EDARADD: variants seen among roughly 807,000 people sequenced by gnomAD.
EDARADD encodes ectodysplasin-A receptor-associated adapter protein.
EDARADD carries 20 observed loss-of-function variants against 25.6 expected under a neutral mutation model. The observed-to-expected ratio is 0.78, with a 90% CI of 0.55 to 1.14. EDARADD has a LOEUF of 1.14. Ranked by LOEUF, EDARADD falls within the 50% of genes most tolerant of loss-of-function variation. The pLI is 0.00. For synonymous variants in EDARADD, 86 were observed against 94.4 expected (o/e 0.91, Z 0.52); for missense variants, 225 against 270.1 (o/e 0.83, Z 1.17).
In EDARADD at chr1:236,474,391, G is replaced by A. The variant is rs185450295; in HGVS notation, c.265+6115G>A. Among the ~76,000 whole-genome samples the A allele has an allele frequency of 2.2e-3, 334 of 152,222 alleles. 1 individual carries two copies. Among genetic ancestry groups the A allele is most frequent in the Non-Finnish European group, 3.9e-3 (264 of 68,016 alleles). Reference sequence around the variant, plus strand: ...GGGGCTTTGGCCTTTAAAATAGGAAGTCATCATAAATGACTTGATGTGGTG... The same window carrying A: ...GGGGCTTTGGCCTTTAAAATAGGAAATCATCATAAATGACTTGATGTGGTG... On this transcript the variant is annotated intron_variant, in intron 5 of 5. Transcript: ENST00000334232.
chr1:236,464,075 A>AT (rs1659114266), intron 4 of EDARADD, among the ~76,000 whole-genome samples: 1 of 152,042 alleles, frequency 6.6e-6, no homozygotes. Context: ...GGAGGGTGGC[A>AT]TTTCAGGCCT....
At chr1:236,392,650 G>A (rs1159038365), upstream of EDARADD, among the ~76,000 whole-genome samples, 1 of 150,788 alleles carries the variant, frequency 6.6e-6, no homozygotes, top group Non-Finnish European at 1.5e-5. Context: ...GCTAATTTTT[G>A]TATTTGTATT....
intron 3 of EDARADD, among the ~76,000 whole-genome samples, chr1:236,416,026 G>T (rs918569447): frequency 1.3e-5 from 2 of 151,654 alleles, no homozygotes; most frequent in Non-Finnish European, 2.9e-5. Context: ...TTTGGCCAAA[G>T]CTCTCCTCCT....
At position 236,452,157 on chromosome 1, in the gene EDARADD, G is replaced by A. The variant is rs140795560; in HGVS notation, c.220-16074G>A. 9.2e-3 allele frequency among the ~76,000 whole-genome samples: 1,408 copies of A among 152,240 alleles called. 13 individuals are homozygous for A. Among genetic ancestry groups the A allele is most frequent in the Admixed American group, 0.015 (226 of 15,292 alleles). ...GCTGGGGAGTGAGAGGCTGGTCCCCGCCCCTGCTGATAAGCACCCCCTAGT... is the reference window on the plus strand; with the variant it reads ...GCTGGGGAGTGAGAGGCTGGTCCCCACCCCTGCTGATAAGCACCCCCTAGT... On this transcript the variant is annotated intron_variant, in intron 4 of 5. Transcript: ENST00000334232.
chr1:236,400,217 T>C (rs948280005), intron 1 of EDARADD, among the ~76,000 whole-genome samples: 1 of 152,184 alleles, frequency 6.6e-6, no homozygotes, highest in Non-Finnish European at 1.5e-5. Flanking sequence ...TCCTTCTCTC[T>C]ACCCAAGCAT....
At chr1:236,410,202 A>G (rs1289627899) in intron 2 of EDARADD, among the ~76,000 whole-genome samples, 1 of 152,060 alleles carries the variant, frequency 6.6e-6, no homozygotes, top group African/African-American at 2.4e-5. Context: ...CACATAGTGA[A>G]CGCTGTACCT....
intron 5 of EDARADD, among the ~76,000 whole-genome samples, chr1:236,468,902 G>A (rs1230199762): frequency 6.6e-6 from 1 of 152,140 alleles, no homozygotes; most frequent in Non-Finnish European, 1.5e-5. Flanking sequence ...TAGCATTGGT[G>A]GAGAACATGC....
intron 3 of EDARADD, among the ~76,000 whole-genome samples, chr1:236,374,043 C>A (rs1667198937): frequency 6.6e-6 from 1 of 151,948 alleles, no homozygotes; most frequent in Admixed American, 6.6e-5. Context: ...TGTGTAATTT[C>A]TATTCTTTTA....
chr1:236,468,345 C>G (rs1338320160), intron 5 of EDARADD, 69 bp downstream of exon 5: 2 of 1,538,770 alleles, frequency 1.3e-6, no homozygotes, highest in African/African-American at 2.7e-5. Context: ...AATTTGAGGC[C>G]AGGGTCGGTG....
intron 2 of EDARADD, 75 bp from the exon 3 acceptor site, chr1:236,414,185 A>G: frequency 7.5e-7 from 1 of 1,338,200 alleles, no homozygotes; most frequent in Non-Finnish European, 1.1e-6. Context: ...TAACTTTCCC[A>G]AGACAAAGCT....
intron 3 of EDARADD, among the ~76,000 whole-genome samples, chr1:236,375,554 G>A (rs1265128193): frequency 6.6e-6 from 1 of 151,300 alleles, no homozygotes; most frequent in Non-Finnish European, 1.5e-5. Flanking sequence ...TACTTGGGAG[G>A]CTGAGGCAGG....
intron 4 of EDARADD, among the ~76,000 whole-genome samples, chr1:236,457,910 G>C (rs759916359): frequency 6.6e-6 from 1 of 152,080 alleles, no homozygotes; most frequent in Non-Finnish European, 1.5e-5. Flanking sequence ...AAGAGCGGGA[G>C]AGAAGTTTAT....
At chr1:236,459,558 C>G (rs186403628) in intron 4 of EDARADD, among the ~76,000 whole-genome samples, 7 of 151,680 alleles carry the variant, frequency 4.6e-5, no homozygotes, top group Admixed American at 3.3e-4. Flanking sequence ...TTGCTGTAAT[C>G]CGAGCAAAGC....
chr1:236,470,768 C>G (rs1659339298), intron 5 of EDARADD, among the ~76,000 whole-genome samples: 1 of 152,132 alleles, frequency 6.6e-6, no homozygotes, highest in East Asian at 1.9e-4. Context: ...ACCACCACAC[C>G]CAGCTAATTT....
chr1:236,430,660 C>G (rs1000804266), intron 4 of EDARADD, among the ~76,000 whole-genome samples: 2 of 152,186 alleles, frequency 1.3e-5, no homozygotes, highest in Admixed American at 6.6e-5. Flanking sequence ...TGGCTGCTTC[C>G]GTTGACTATT....
At position 236,395,950 on chromosome 1, in the gene EDARADD, C is replaced by A. The variant is rs1431140827; in HGVS notation, c.61+1445C>A. 6.6e-6 allele frequency among the ~76,000 whole-genome samples: 1 copy of A among 152,222 alleles called. No individual in the cohort carries two copies. Among genetic ancestry groups the A allele is most frequent in the Admixed American group, 6.5e-5 (1 of 15,288 alleles). ...TGCCGCAGCCCCCGTGGCTTTTGTTCTGGACTCGGGATGCCAGGTTGAGAC... is the reference window on the plus strand; with the variant it reads ...TGCCGCAGCCCCCGTGGCTTTTGTTATGGACTCGGGATGCCAGGTTGAGAC... On this transcript the variant is annotated intron_variant, in intron 1 of 5. Coordinates refer to ENST00000334232, the MANE Select transcript of EDARADD (RefSeq NM_145861.4). This position sits in a 1 kb window ranked among gnomAD's most constrained non-coding sequence, Gnocchi z 6.9.
rs1667051035 is a variant in EDARADD at position 236,361,635 on chromosome 1, T to TATATATATATATA, written c.-6+10796_-6+10797insATATATATATATA. Among the ~76,000 whole-genome samples, 93 of 134,210 alleles carry TATATATATATATA rather than the reference T, an allele frequency of 6.9e-4. 1 individual carries two copies. The highest frequency in any genetic ancestry group is 2.7e-3 in the African/African-American group (88 of 32,586). 88.0% of individuals were successfully genotyped at this position (134,210 alleles called of 152,430 possible). On this transcript the variant is annotated intron_variant, in intron 3 of 7. Transcript: ENST00000439430. ...GTGAGCCACCACGCACAGCCAAATT[T>TATATATATATATA]TATATATATATATATTCCTTCATAC...
At chr1:236,417,932 CT>C (rs36087031) in intron 3 of EDARADD, among the ~76,000 whole-genome samples, 65,515 of 145,462 alleles carry the variant, frequency 0.45, 16,670 homozygotes, top group Non-Finnish European at 0.59. Context: ...GTAAGGTAGA[CT>C]TTTTTTTTTT....
chr1:236,395,886 C>T lies in EDARADD; in HGVS notation c.61+1381C>T, dbSNP rs1667507754. On this transcript the variant is annotated intron_variant, in intron 1 of 5. Transcript: ENST00000334232. The surrounding 1 kb of genome is among the most constrained non-coding windows in gnomAD (Gnocchi z 6.9). ...GCCCCTCCCGCGCTCGCCAGGGCCCCTGCCCCGCGTCAGCCACCGCGCGCC... is the reference window on the plus strand; with the variant it reads ...GCCCCTCCCGCGCTCGCCAGGGCCCTTGCCCCGCGTCAGCCACCGCGCGCC... Among the ~76,000 whole-genome samples, 1 of 152,176 alleles carries T rather than the reference C, an allele frequency of 6.6e-6. No individual in the cohort carries two copies. Among genetic ancestry groups the T allele is most frequent in the African/African-American group, 2.4e-5 (1 of 41,450 alleles).
Sources: allele counts gnomAD v4.1 joint callset (sites outside exome capture counted in the v4.1 genomes callset), GRCh38; gene constraint gnomAD v4.1.1; non-coding constraint Gnocchi (gnomAD v3.1); transcripts MANE v1.5; gene names NCBI Gene and HGNC (gene_info 2026-07-23, HGNC 2026-07-21).